The following IQCE variants were observed in gnomAD, a reference collection of about 807,000 sequenced individuals.
IQCE encodes the protein IQ domain-containing protein E.
A neutral mutation model predicts 96.0 loss-of-function variants in IQCE; 115 were observed. That is an observed-to-expected ratio of 1.20 (90% CI 1.03 to 1.40). The LOEUF (loss-of-function observed/expected upper bound fraction) is 1.40, where lower values mean the gene tolerates loss of function less well. Among genes scored for constraint, IQCE ranks in the 40% most tolerant of loss-of-function variants. IQCE has a pLI of 0.00. For synonymous variants in IQCE, 412 were observed against 371.2 expected (o/e 1.11, Z -1.26); for missense variants, 1,041 against 909.1 (o/e 1.15, Z -1.87).
At chr7:2,573,146 C>A (rs1257287981) in intron 5 of IQCE, among the ~76,000 whole-genome samples, 1 of 152,210 alleles carries the variant, frequency 6.6e-6, no homozygotes, top group Non-Finnish European at 1.5e-5. Context: ...TGAGTCCCTT[C>A]TTTCATCCTT....
intron 8 of IQCE, among the ~76,000 whole-genome samples, chr7:2,578,827 G>A (rs1471061968): frequency 6.6e-6 from 1 of 152,146 alleles, no homozygotes; most frequent in Non-Finnish European, 1.5e-5. Context: ...TTGGGAGGCC[G>A]AGGCAGGCAG....
chr7:2,578,637 G>A (rs944438453), intron 8 of IQCE, 111 bp downstream of exon 8: 12 of 1,222,020 alleles, frequency 9.8e-6, no homozygotes, highest in Non-Finnish European at 1.3e-5. Flanking sequence ...CAGCAGGCAG[G>A]GGGGAGGCTG....
chr7:2,604,866 T>C lies in IQCE; in HGVS notation c.1633-15T>C. Reference sequence around the variant, plus strand: ...CTCACACCCACTTTTCTCTCCCTGCTTCCTTCCCTGACAGGCGGCTGTGGT... The same window carrying C: ...CTCACACCCACTTTTCTCTCCCTGCCTCCTTCCCTGACAGGCGGCTGTGGT... On this transcript the variant is annotated splice_polypyrimidine_tract_variant and intron_variant, in intron 18 of 21. Transcript: ENST00000402050. The C allele has an allele frequency of 6.2e-7, 1 of 1,606,376 alleles. No homozygotes were observed. The highest frequency in any genetic ancestry group is 1.1e-5 in the South Asian group (1 of 90,828).
rs1197758607 is a variant in IQCE, at chr7:2,598,504, T to C, written c.1480T>C (p.Cys494Arg). Residue 494 changes from cysteine (C) to arginine (R), a missense_variant, in exon 17 of 22, where the codon TGC becomes CGC. Cys to Arg is a radical substitution (Grantham distance 180). Coordinates refer to ENST00000402050, the MANE Select transcript of IQCE (RefSeq NM_152558.5). The stretch of plus-strand genomic sequence containing the variant: ...AGCTCCCACTCCCAGCAGCAGGCAC[T>C]GCGAGCAAGACTGGCCGCCGGATTC... ...LPAPTPSSRH[C>R]EQDWPPDSSE... The C allele has an allele frequency of 6.8e-6, 11 of 1,607,046 alleles. No homozygotes were observed. The highest frequency in any genetic ancestry group is 8.5e-6 in the Non-Finnish European group (10 of 1,176,586).
Position 2,611,950 on chromosome 7 carries a change from G to A in IQCE, c.*1788G>A, listed in dbSNP as rs944115005. 1 of 152,110 alleles carries A rather than the reference G, an allele frequency of 6.6e-6. No individual in the cohort carries two copies. Among genetic ancestry groups the A allele is most frequent in the Non-Finnish European group, 1.5e-5 (1 of 68,084 alleles). The allele number at this position is 152,110 out of a possible 1,614,324, so 9.4% of individuals were successfully genotyped here. On this transcript the variant is annotated 3_prime_UTR_variant, in exon 22 of 22. Coordinates refer to ENST00000402050, the MANE Select transcript of IQCE (RefSeq NM_152558.5). The stretch of plus-strand genomic sequence containing the variant: ...GCCCGGGTCCACTCCCTGGGGCGCT[G>A]TCCCAAGCCATCCCTGCTTGCCAGC...
chr7:2,568,986 A>T lies in IQCE; in HGVS notation c.117A>T (p.Pro39=), dbSNP rs753718686. The change falls in exon 3 of 22, where the codon CCA becomes CCT. Residue 39 remains proline, a synonymous_variant. Transcript: ENST00000402050. ...KAKRKAFHKP[P]PTSPKSPYLS... is the part of the protein sequence containing the mutation. Reference sequence around the variant, plus strand: ...AAAGGAAAGCTTTCCACAAACCTCCACCCACATCGCCAAGTAAGTATGACG... The same window carrying T: ...AAAGGAAAGCTTTCCACAAACCTCCTCCCACATCGCCAAGTAAGTATGACG... The T allele has an allele frequency of 6.2e-7, 1 of 1,613,582 alleles. No individual in the cohort carries two copies. Among genetic ancestry groups the T allele is most frequent in the Non-Finnish European group, 8.5e-7 (1 of 1,179,946 alleles).
intron 21 of IQCE, among the ~76,000 whole-genome samples, chr7:2,608,065 C>G (rs539403540): frequency 6.6e-6 from 1 of 152,308 alleles, no homozygotes; most frequent in African/African-American, 2.4e-5. Flanking sequence ...GGAAGAGGCT[C>G]TTCTGAGCCC....
intron 6 of IQCE, among the ~76,000 whole-genome samples, chr7:2,577,815 C>T (rs548969173): frequency 1.6e-5 from 2 of 127,324 alleles, no homozygotes; most frequent in East Asian, 2.4e-4. Flanking sequence ...TGGCTGTGCG[C>T]GCGGGGACGT....
chr7:2,571,794 C>T, intron 4 of IQCE, 140 bp downstream of exon 4: 4 of 990,580 alleles, frequency 4.0e-6, no homozygotes, highest in Non-Finnish European at 5.9e-6. Context: ...ATCAAATATA[C>T]ACATCGTAGT....
chr7:2,598,618 G>C lies in IQCE; in HGVS notation c.1594G>C (p.Val532Leu). 6.4e-7 allele frequency: 1 copy of C among 1,567,802 alleles called. No homozygotes were observed. Among genetic ancestry groups the C allele is most frequent in the Non-Finnish European group, 8.6e-7 (1 of 1,156,916 alleles). ...CAGAGTCCTGCAGGCCCAGTGGAAG[G>C]TGTACAAGCACAAGGTGAGGCTCCC... ...AARVLQAQWK[V>L]YKHKKKKAVL... Residue 532 changes from valine (V) to leucine (L), a missense_variant, in exon 17 of 22, where the codon GTG becomes CTG. Transcript: ENST00000402050.
chr7:2,583,453 C>T lies in IQCE; in HGVS notation c.702-184C>T, dbSNP rs73293609. On this transcript the variant is annotated intron_variant, in intron 9 of 21. Coordinates refer to ENST00000402050, the MANE Select transcript of IQCE (RefSeq NM_152558.5). ...TTTCCAGCGTGAGGAATTCTCCCAT[C>T]AGGCTCGAAACGAGTCACTTGTTCA... 6.4e-3 allele frequency among the ~76,000 whole-genome samples: 967 copies of T among 152,234 alleles called. 12 individuals are homozygous for T. Among genetic ancestry groups the T allele is most frequent in the African/African-American group, 0.022 (909 of 41,540 alleles).
chr7:2,606,705 C>A (rs1784857161), intron 20 of IQCE, among the ~76,000 whole-genome samples: 1 of 152,172 alleles, frequency 6.6e-6, no homozygotes, highest in South Asian at 2.1e-4. Context: ...CCCCATGTGA[C>A]CTGGGACACA....
chr7:2,596,826 C>T (rs1043209233), intron 16 of IQCE: 8 of 394,154 alleles, frequency 2.0e-5, no homozygotes, highest in Non-Finnish European at 3.7e-5. Context: ...AGATGAGGCT[C>T]TTCTTAGGGT....
Position 2,587,871 on chromosome 7 carries a change from G to A in IQCE, c.1038G>A (p.Leu346=), listed in dbSNP as rs1034268891. Residue 346 remains leucine, a synonymous_variant, in exon 13 of 22, where the codon CTG becomes CTA. Coordinates refer to ENST00000402050, the MANE Select transcript of IQCE (RefSeq NM_152558.5). ...KPRLLRRIVE[L]EKKLSVMESS... is the part of the protein sequence containing the mutation. Reference sequence around the variant, plus strand: ...GGCTGCTGAGGCGCATTGTGGAGCTGGAGAAGGTGAGCGGGCGTCTCAGTG... The same window carrying A: ...GGCTGCTGAGGCGCATTGTGGAGCTAGAGAAGGTGAGCGGGCGTCTCAGTG... 1.9e-6 allele frequency: 3 copies of A among 1,614,030 alleles called. No homozygotes were observed.
At chr7:2,587,718 C>A in intron 12 of IQCE, 104 bp from the exon 13 acceptor site, 1 of 1,167,972 alleles carries the variant, frequency 8.6e-7, no homozygotes, top group Non-Finnish European at 1.3e-6. Flanking sequence ...GCCCCGCAGG[C>A]TGCTCCGGCT....
At position 2,578,537 on chromosome 7, in the gene IQCE, T is replaced by G; in HGVS notation, c.630+11T>G. The G allele has an allele frequency of 6.2e-7, 1 of 1,614,016 alleles. No individual in the cohort carries two copies. Among genetic ancestry groups the G allele is most frequent in the Non-Finnish European group, 8.5e-7 (1 of 1,179,944 alleles). On this transcript the variant is annotated intron_variant, in intron 8 of 21. Transcript: ENST00000402050. ...CCCGATGCCAGTTGGGTGAGTATGG[T>G]GTGTGCAGGACAGAGCCTTTCCCCA... is the stretch of plus-strand genomic sequence containing the variant.
At position 2,585,940 on chromosome 7, in the gene IQCE, A is replaced by C. The variant is rs141620490; in HGVS notation, c.825-268A>C. Reference sequence around the variant, plus strand: ...TTTCCACAGCCCTTCTAGTGATGGCATGGAAAGTATAATACTGATGGTTGA... The same window carrying C: ...TTTCCACAGCCCTTCTAGTGATGGCCTGGAAAGTATAATACTGATGGTTGA... On this transcript the variant is annotated intron_variant, in intron 11 of 21. Coordinates refer to ENST00000402050, the MANE Select transcript of IQCE (RefSeq NM_152558.5). 9.2e-3 allele frequency among the ~76,000 whole-genome samples: 1,396 copies of C among 152,344 alleles called. 9 individuals are homozygous for C. Among genetic ancestry groups the C allele is most frequent in the South Asian group, 0.024 (115 of 4,824 alleles).
chr7:2,581,087 C>T (rs183140897), intron 8 of IQCE, among the ~76,000 whole-genome samples: 113 of 152,094 alleles, frequency 7.4e-4, no homozygotes, highest in African/African-American at 2.6e-3. Context: ...TTGTGATCTG[C>T]CCACCTTGGC....
intron 6 of IQCE, among the ~76,000 whole-genome samples, chr7:2,577,551 G>A (rs1180027324): frequency 1.4e-5 from 2 of 143,188 alleles, no homozygotes; most frequent in Non-Finnish European, 3.0e-5. Flanking sequence ...GCGTGTGCGT[G>A]GCTGTGCGCG....
Sources: gnomAD v4.1 joint callset for allele counts (sites outside exome capture counted in the v4.1 genomes callset) on GRCh38, gnomAD v4.1.1 for gene constraint, MANE v1.5 for transcripts, NCBI Gene and HGNC (gene_info 2026-07-23, HGNC 2026-07-21) for gene names.